The following DYNC1I1 variants were observed in gnomAD, a reference collection of about 807,000 sequenced individuals.
DYNC1I1 encodes the protein dynein cytoplasmic 1 intermediate chain 1.
A neutral mutation model predicts 86.6 loss-of-function variants in DYNC1I1; 43 were observed. The ratio of observed to expected loss-of-function variants is 0.50; its 90% CI spans 0.39 to 0.64. The LOEUF (loss-of-function observed/expected upper bound fraction) is 0.64, where lower values mean the gene tolerates loss of function less well. DYNC1I1 is among the 30% of genes least tolerant of loss of function. DYNC1I1 has a pLI of 0.00. For synonymous variants in DYNC1I1, 262 were observed against 283.7 expected (o/e 0.92, Z 0.77); for missense variants, 604 against 788.8 (o/e 0.77, Z 2.81).
chr7:96,090,290 T>A (rs552446952), intron 16 of DYNC1I1, among the ~76,000 whole-genome samples: 6 of 152,240 alleles, frequency 3.9e-5, no homozygotes, highest in African/African-American at 1.4e-4. Flanking sequence ...AGGTAAAACC[T>A]TCAGAATGTT....
chr7:95,866,154 G>T (rs1790012157), intron 5 of DYNC1I1, among the ~76,000 whole-genome samples: 1 of 152,194 alleles, frequency 6.6e-6, no homozygotes, highest in Non-Finnish European at 1.5e-5. Flanking sequence ...TAAGCAAAAG[G>T]TCTTTGCTAT....
chr7:95,913,544 G>A (rs1458977069), intron 6 of DYNC1I1, among the ~76,000 whole-genome samples: 1 of 152,178 alleles, frequency 6.6e-6, no homozygotes, highest in East Asian at 1.9e-4. Flanking sequence ...TCCCCTGTAT[G>A]CACTCTCTTG....
intron 8 of DYNC1I1, among the ~76,000 whole-genome samples, chr7:95,985,921 T>G (rs1258639830): frequency 6.6e-6 from 1 of 152,054 alleles, no homozygotes; most frequent in African/African-American, 2.4e-5. Context: ...CTACAATCTT[T>G]GTGTTTTTTT....
chr7:95,995,928 T>C lies in DYNC1I1; in HGVS notation c.844-20T>C. 1.3e-6 allele frequency: 2 copies of C among 1,573,050 alleles called. No individual in the cohort carries two copies. The highest frequency in any genetic ancestry group is 1.7e-6 in the Non-Finnish European group (2 of 1,165,472). ...GTTGTCATCTTAGCATAATTCATCC[T>C]TGTGACCTCTTCCATTTAGTACCCT... On this transcript the variant is annotated intron_variant, in intron 9 of 16. Coordinates refer to ENST00000447467, the MANE Select transcript of DYNC1I1 (RefSeq NM_001135556.2).
At chr7:95,838,548 A>G (rs1046059735) in intron 5 of DYNC1I1, among the ~76,000 whole-genome samples, 5 of 152,210 alleles carry the variant, frequency 3.3e-5, no homozygotes, top group Non-Finnish European at 7.4e-5. Flanking sequence ...TATGAATTTT[A>G]AGATTTTTTT....
intron 6 of DYNC1I1, among the ~76,000 whole-genome samples, chr7:95,942,393 C>A (rs563818304): frequency 1.3e-5 from 2 of 152,234 alleles, no homozygotes; most frequent in Non-Finnish European, 2.9e-5. Flanking sequence ...GCTTACCAAC[C>A]AAAAAGAGCC....
chr7:95,889,490 A>AAT (rs1409222561), intron 6 of DYNC1I1, among the ~76,000 whole-genome samples: 10 of 152,190 alleles, frequency 6.6e-5, no homozygotes, highest in Admixed American at 6.5e-4. Context: ...CAAAACTATA[A>AAT]AAGCCCTGAA....
intron 14 of DYNC1I1, among the ~76,000 whole-genome samples, chr7:96,069,416 A>G (rs777110371): frequency 4.3e-4 from 66 of 152,218 alleles, no homozygotes; most frequent in Non-Finnish European, 9.0e-4. Flanking sequence ...TTGGAGACAT[A>G]GTGACTCTGC....
intron 14 of DYNC1I1, among the ~76,000 whole-genome samples, chr7:96,039,927 A>G (rs1292267947): frequency 6.6e-6 from 1 of 151,880 alleles, no homozygotes; most frequent in Non-Finnish European, 1.5e-5. Context: ...AAATGGCCCT[A>G]TGTTATGTTT....
At chr7:96,092,616 A>T (rs1790880119) in intron 16 of DYNC1I1, among the ~76,000 whole-genome samples, 1 of 152,072 alleles carries the variant, frequency 6.6e-6, no homozygotes, top group Non-Finnish European at 1.5e-5. Flanking sequence ...CAAGGGTTAG[A>T]CTGATAAGTT....
At chr7:95,773,306 C>A (rs1009794754) in intron 1 of DYNC1I1, among the ~76,000 whole-genome samples, 7 of 152,212 alleles carry the variant, frequency 4.6e-5, no homozygotes, top group African/African-American at 1.7e-4. Flanking sequence ...TTAAACACTT[C>A]AAAGCGAGAA....
At position 95,869,905 on chromosome 7, in the gene DYNC1I1, G is replaced by A. The variant is rs201114371; in HGVS notation, c.397G>A (p.Val133Met). 4.8e-5 allele frequency: 78 copies of A among 1,614,022 alleles called. No homozygotes were observed. The highest frequency in any genetic ancestry group is 3.2e-4 in the Admixed American group (19 of 60,008). Residue 133 changes from valine to methionine, a missense_variant, in exon 6 of 17, where the codon GTG (valine) becomes ATG (methionine). Transcript: ENST00000447467. ...ELGRRLHKLG[V>M]SKVTQVDFLP... ...CAGAAGAAGACTGCATAAACTGGGC[G>A]TGTCAAAGGTCACCCAAGTGGATTT...
intron 8 of DYNC1I1, among the ~76,000 whole-genome samples, chr7:95,985,794 G>A (rs1793575101): frequency 6.6e-6 from 1 of 152,072 alleles, no homozygotes; most frequent in Non-Finnish European, 1.5e-5. Context: ...GATGCTCAAG[G>A]GAATGTAACA....
chr7:96,005,564 C>G (rs1253531678), intron 10 of DYNC1I1, among the ~76,000 whole-genome samples: 1 of 152,096 alleles, frequency 6.6e-6, no homozygotes, highest in African/African-American at 2.4e-5. Flanking sequence ...TTCCTTATGT[C>G]TAAAATCAAC....
At chr7:95,924,058 C>G (rs918860428) in intron 6 of DYNC1I1, among the ~76,000 whole-genome samples, 1 of 152,072 alleles carries the variant, frequency 6.6e-6, no homozygotes, top group African/African-American at 2.4e-5. Context: ...GAACAGTTTT[C>G]CCCATTGGAG....
In DYNC1I1 at chr7:96,098,073, T is replaced by A. The variant is rs1791069347; in HGVS notation, c.*480T>A. ...AATGGATTTACTAGAAGAACATTGC[T>A]GCTCCTTATTTATTGTAGTGTGCTG... On this transcript the variant is annotated 3_prime_UTR_variant, in exon 17 of 17. Transcript: ENST00000447467. 3 of 988,886 alleles carry A rather than the reference T, an allele frequency of 3.0e-6. No individual in the cohort carries two copies. Among genetic ancestry groups the A allele is most frequent in the South Asian group, 9.3e-5 (2 of 21,502 alleles). The allele number at this position is 988,886 out of a possible 1,614,324, so 61.3% of individuals were successfully genotyped here. A position where few individuals can be genotyped will look rare whatever the true frequency, so the allele number is the denominator to read the frequency against.
intron 6 of DYNC1I1, among the ~76,000 whole-genome samples, chr7:95,965,648 C>G (rs187555519): frequency 6.6e-6 from 1 of 151,966 alleles, no homozygotes; most frequent in Non-Finnish European, 1.5e-5. Flanking sequence ...GATTTGAACT[C>G]GAGCAATATG....
chr7:96,028,199 G>A lies in DYNC1I1; in HGVS notation c.994G>A (p.Ala332Thr), dbSNP rs756202767. The A allele has an allele frequency of 6.2e-6, 10 of 1,613,408 alleles. No homozygotes were observed. Among genetic ancestry groups the A allele is most frequent in the East Asian group, 2.2e-5 (1 of 44,832 alleles). Residue 332 changes from alanine to threonine, a missense_variant, in exon 11 of 17, where the codon GCC becomes ACC. Transcript: ENST00000447467. ...GTCCTCTGTGATGTCGGTCTGCTTC[G>A]CCCGTTTCCATCCTAACTTGGTGGT... ...CQSSVMSVCF[A>T]RFHPNLVVGG... is the part of the protein sequence containing the mutation.
At chr7:95,784,626 G>A (rs1039253650) in intron 1 of DYNC1I1, among the ~76,000 whole-genome samples, 1 of 152,208 alleles carries the variant, frequency 6.6e-6, no homozygotes, top group Non-Finnish European at 1.5e-5. Flanking sequence ...ACACTTACCT[G>A]CTGTAGCCCA....
Sources: allele counts gnomAD v4.1 joint callset (sites outside exome capture counted in the v4.1 genomes callset), GRCh38; gene constraint gnomAD v4.1.1; transcripts MANE v1.5; gene names NCBI Gene and HGNC (gene_info 2026-07-23, HGNC 2026-07-21).